Variants in USO1 observed in about 807,000 individuals in gnomAD.
USO1 encodes the protein USO1 vesicle transport factor.
In USO1, 57 loss-of-function variants were observed where a neutral mutation model predicts 124.5. The observed-to-expected ratio is 0.46, with a 90% CI of 0.37 to 0.57. The LOEUF (loss-of-function observed/expected upper bound fraction) is 0.57. USO1 is among the 20% of genes least tolerant of loss of function. The pLI is 0.00. For synonymous variants in USO1, 369 were observed against 362.8 expected (o/e 1.02, Z -0.19); for missense variants, 900 against 1,040.6 (o/e 0.86, Z 1.86).
At chr4:75,759,542 C>A (rs1306210378) in intron 4 of USO1, among the ~76,000 whole-genome samples, 2 of 149,806 alleles carry the variant, frequency 1.3e-5, no homozygotes, top group African/African-American at 2.5e-5. Context: ...TGGAGTGAGC[C>A]GAGATTGTGC....
Position 75,793,811 on chromosome 4 carries a change from G to A in USO1, c.1362G>A (p.Gln454=). ...LAHALQENAT[Q]KEQLLRVQLA... ...ATGCGTTGCAAGAAAATGCCACCCA[G>A]AAAGAACAGTTGCTCAGGGTTCAAC... Residue 454 remains glutamine (Q), a synonymous_variant, in exon 13 of 24, where the codon CAG becomes CAA. Transcript: ENST00000514213. The A allele has an allele frequency of 6.2e-7, 1 of 1,613,970 alleles. No individual in the cohort carries two copies. Among genetic ancestry groups the A allele is most frequent in the East Asian group, 2.2e-5 (1 of 44,872 alleles).
chr4:75,741,308 C>G (rs962978983), intron 1 of USO1, among the ~76,000 whole-genome samples: 3 of 152,078 alleles, frequency 2.0e-5, no homozygotes, highest in African/African-American at 7.2e-5. Context: ...CCAGAAGTTG[C>G]TCTGGATGAG....
At chr4:75,735,278 C>G (rs141287162) in intron 1 of USO1, among the ~76,000 whole-genome samples, 10 of 152,144 alleles carry the variant, frequency 6.6e-5, no homozygotes, top group African/African-American at 2.4e-4. Flanking sequence ...GATTTTTGTA[C>G]ATTGATTTTG....
chr4:75,742,644 C>T (rs551876340), intron 1 of USO1, among the ~76,000 whole-genome samples: 1 of 152,214 alleles, frequency 6.6e-6, no homozygotes, highest in African/African-American at 2.4e-5. Flanking sequence ...ATAAGAAATA[C>T]TTTGTTAAAA....
At chr4:75,748,619 C>T (rs989183785) in intron 1 of USO1, among the ~76,000 whole-genome samples, 2 of 152,174 alleles carry the variant, frequency 1.3e-5, no homozygotes, top group Non-Finnish European at 1.5e-5. Flanking sequence ...TAGCTCTATA[C>T]ACCAACCAAA....
chr4:75,810,099 T>C (rs1411322439), intron 21 of USO1, among the ~76,000 whole-genome samples: 1 of 152,228 alleles, frequency 6.6e-6, no homozygotes, highest in Non-Finnish European at 1.5e-5. Context: ...AGGAAATTTA[T>C]GAAGGAAAGG....
intron 1 of USO1, among the ~76,000 whole-genome samples, chr4:75,750,408 A>C (rs1198298508): frequency 6.7e-6 from 1 of 149,398 alleles, no homozygotes; most frequent in Non-Finnish European, 1.5e-5. Flanking sequence ...ACTGCACTTC[A>C]ACCTAGGAGA....
At position 75,800,355 on chromosome 4, in the gene USO1, C is replaced by T; in HGVS notation, c.1568C>T (p.Thr523Ile). ...CCTCCTTAACAAAGATTTCAGCTTA[C>T]AGGACAAATTGCAGAAAATCTTGGA... The part of the protein sequence containing the change: ...LHNSANVPFL[T>I]GQIAENLGEE... The change falls in exon 15 of 24, where the codon ACA (threonine) becomes ATA (isoleucine). Residue 523 changes from threonine to isoleucine, a missense_variant. Physicochemically the swap from Thr to Ile is moderately conservative, Grantham distance 89. This residue lies in a region of USO1 where 538 missense variants were observed against 681.6 expected (regional missense o/e 0.79). Coordinates refer to ENST00000514213, the MANE Select transcript of USO1 (RefSeq NM_003715.4). The T allele has an allele frequency of 6.3e-7, 1 of 1,585,776 alleles. No individual in the cohort carries two copies. The highest frequency in any genetic ancestry group is 8.6e-7 in the Non-Finnish European group (1 of 1,165,638).
Position 75,806,624 on chromosome 4 carries a change from GA to G in USO1, c.2376+54del, listed in dbSNP as rs1192396086. The G allele has an allele frequency of 1.2e-4, 192 of 1,536,556 alleles. No homozygotes were observed. The East Asian group carries it at 4.7e-3, about 37-fold the overall frequency. ...ACTTTGTCATGTTTTAATTATAATAGAATAACAGCCCTATAGTTTCACAAAT... is the reference window on the plus strand; with the variant it reads ...ACTTTGTCATGTTTTAATTATAATAGATAACAGCCCTATAGTTTCACAAAT... On this transcript the variant is annotated intron_variant, in intron 20 of 23. Coordinates refer to ENST00000514213, the MANE Select transcript of USO1 (RefSeq NM_003715.4).
intron 4 of USO1, among the ~76,000 whole-genome samples, chr4:75,769,149 C>A (rs1426208316): frequency 2.0e-5 from 3 of 152,170 alleles, no homozygotes; most frequent in Non-Finnish European, 4.4e-5. Context: ...AAGGTCTAAG[C>A]CACCTTCATG....
chr4:75,759,374 A>G (rs1312355804), intron 4 of USO1, among the ~76,000 whole-genome samples: 2 of 149,122 alleles, frequency 1.3e-5, no homozygotes, highest in Non-Finnish European at 3.0e-5. Context: ...CGGGTGGATC[A>G]CTTGAGGTCA....
At chr4:75,809,381 CT>C (rs1352320141) in intron 21 of USO1, among the ~76,000 whole-genome samples, 2 of 152,176 alleles carry the variant, frequency 1.3e-5, no homozygotes, top group Non-Finnish European at 2.9e-5. Context: ...CCTTCTCATA[CT>C]TTTGCAATAT....
intron 1 of USO1, among the ~76,000 whole-genome samples, chr4:75,749,041 A>G (rs1222776791): frequency 1.3e-5 from 2 of 152,076 alleles, no homozygotes; most frequent in Non-Finnish European, 2.9e-5. Flanking sequence ...TATCATTTCC[A>G]TGAATGATTT....
At position 75,797,786 on chromosome 4, in the gene USO1, C is replaced by T. The variant is rs1027955101; in HGVS notation, c.1453-1836C>T. On this transcript the variant is annotated intron_variant, in intron 13 of 23. Transcript: ENST00000514213. ...CCTCCTGAGTAGCTGGGACTACAGGCGCGCGCCACCTCGCCTGGCTAATTT... is the reference window on the plus strand; with the variant it reads ...CCTCCTGAGTAGCTGGGACTACAGGTGCGCGCCACCTCGCCTGGCTAATTT... 1.3e-4 allele frequency among the ~76,000 whole-genome samples: 20 copies of T among 151,998 alleles called. No homozygotes were observed. The South Asian group carries it at 1.5e-3, about 11-fold the overall frequency.
chr4:75,761,422 C>T (rs1372335589), intron 4 of USO1, among the ~76,000 whole-genome samples: 1 of 151,958 alleles, frequency 6.6e-6, no homozygotes, highest in African/African-American at 2.4e-5. Flanking sequence ...AACCCTGCCT[C>T]TAAAAAACAA....
chr4:75,779,275 C>G (rs1271673473), intron 8 of USO1, among the ~76,000 whole-genome samples: 1 of 152,034 alleles, frequency 6.6e-6, no homozygotes, highest in Non-Finnish European at 1.5e-5. Context: ...AATTAATAAC[C>G]CTACAGTGGC....
At chr4:75,793,306 G>A (rs1299910173) in intron 12 of USO1, among the ~76,000 whole-genome samples, 1 of 147,816 alleles carries the variant, frequency 6.8e-6, no homozygotes, top group Non-Finnish European at 1.5e-5. Context: ...AAACTCCTGG[G>A]CTCAAGTGAT....
intron 1 of USO1, among the ~76,000 whole-genome samples, chr4:75,742,154 A>T (rs1281050767): frequency 6.6e-6 from 1 of 152,238 alleles, no homozygotes; most frequent in Non-Finnish European, 1.5e-5. Flanking sequence ...AACCATTAAA[A>T]GTATAATATA....
intron 17 of USO1, among the ~76,000 whole-genome samples, chr4:75,803,606 A>G (rs1037902457): frequency 7.3e-5 from 11 of 150,966 alleles, no homozygotes; most frequent in South Asian, 6.3e-4. Flanking sequence ...GCTGGATTGC[A>G]CCACTGCACT....
Sources: gnomAD v4.1 joint callset for allele counts (sites outside exome capture counted in the v4.1 genomes callset) on GRCh38, gnomAD v4.1.1 for gene constraint, gnomAD v4.1.1 regional missense constraint, MANE v1.5 for transcripts, NCBI Gene and HGNC (gene_info 2026-07-23, HGNC 2026-07-21) for gene names.